Variants in STXBP5 observed in about 807,000 individuals in gnomAD.
STXBP5 encodes the protein syntaxin binding protein 5.
In STXBP5, 50 loss-of-function variants were observed where a neutral mutation model predicts 152.4. The ratio of observed to expected loss-of-function variants is 0.33; its 90% CI spans 0.26 to 0.42. STXBP5 has a LOEUF of 0.42. Among genes scored for constraint, STXBP5 ranks in the 10% least tolerant of loss-of-function variants. STXBP5 has a pLI of 1.00. For missense variants in STXBP5, 1,167 were observed against 1,388.6 expected, an observed-to-expected ratio of 0.84 and a Z score of 2.54; for synonymous variants, 492 against 494.7, an observed-to-expected ratio of 0.99 and a Z score of 0.07.
intron 9 of STXBP5, among the ~76,000 whole-genome samples, chr6:147,295,774 C>G (rs1300650597): frequency 6.6e-6 from 1 of 152,170 alleles, no homozygotes; most frequent in Non-Finnish European, 1.5e-5. Context: ...TGTAGAGCCT[C>G]AAGGAATTTC....
intron 9 of STXBP5, chr6:147,292,406 C>T (rs1582899927): frequency 9.9e-6 from 3 of 301,672 alleles, no homozygotes; most frequent in East Asian, 2.2e-4. Context: ...TCATTTTCCT[C>T]ACTTATGACA....
At chr6:147,380,055 A>G (rs911169406) in intron 26 of STXBP5, among the ~76,000 whole-genome samples, 8 of 144,714 alleles carry the variant, frequency 5.5e-5, no homozygotes, top group African/African-American at 2.1e-4. Flanking sequence ...GGCAGTATCC[A>G]CAAATTGATC....
intron 7 of STXBP5, among the ~76,000 whole-genome samples, chr6:147,271,006 A>G (rs961741117): frequency 1.3e-5 from 2 of 152,228 alleles, no homozygotes; most frequent in African/African-American, 4.8e-5. Flanking sequence ...TAAGCTAAAT[A>G]GGAAATAAAT....
intron 13 of STXBP5, 114 bp downstream of exon 13, chr6:147,314,445 TA>T: frequency 7.8e-7 from 1 of 1,282,074 alleles, no homozygotes; most frequent in Non-Finnish European, 1.1e-6. Flanking sequence ...TGTCGTAATA[TA>T]ATAAGAAATG....
intron 16 of STXBP5, among the ~76,000 whole-genome samples, chr6:147,319,627 G>A (rs1782813250): frequency 6.6e-6 from 1 of 152,030 alleles, no homozygotes; most frequent in Admixed American, 6.5e-5. Flanking sequence ...TTAAGGGACA[G>A]TTCTTTTTGG....
intron 11 of STXBP5, among the ~76,000 whole-genome samples, chr6:147,312,569 G>T (rs1443553148): frequency 6.6e-6 from 1 of 151,992 alleles, no homozygotes; most frequent in Non-Finnish European, 1.5e-5. Flanking sequence ...GTGGGTAGAA[G>T]ACAGAGATGC....
In STXBP5 at chr6:147,314,267, T is replaced by C; in HGVS notation, c.1297T>C (p.Trp433Arg). Residue 433 changes from tryptophan to arginine, a missense_variant, in exon 13 of 28, where the codon TGG (tryptophan) becomes CGG (arginine). By Grantham distance (101) the Trp-to-Arg change is moderately radical (BLOSUM62 -3). Transcript: ENST00000321680. ...QKRQGYSKKE[W>R]PINGGNWGLG... ...ATACAGTCATCTTTTTTTATAGGAATGGCCCATCAACGGAGGTAATTGGGG... is the reference window on the plus strand; with the variant it reads ...ATACAGTCATCTTTTTTTATAGGAACGGCCCATCAACGGAGGTAATTGGGG... The C allele has an allele frequency of 6.2e-7, 1 of 1,609,832 alleles. No individual in the cohort carries two copies. The highest frequency in any genetic ancestry group is 8.5e-7 in the Non-Finnish European group (1 of 1,176,216).
chr6:147,289,506 T>G (rs192388451), intron 8 of STXBP5, among the ~76,000 whole-genome samples: 1 of 152,268 alleles, frequency 6.6e-6, no homozygotes, highest in East Asian at 1.9e-4. Flanking sequence ...TCTGTACAAT[T>G]TTTTTTAATT....
At chr6:147,266,374 C>A (rs1265935338) in intron 6 of STXBP5, among the ~76,000 whole-genome samples, 1 of 152,014 alleles carries the variant, frequency 6.6e-6, no homozygotes, top group Non-Finnish European at 1.5e-5. Flanking sequence ...AGACTGGAGT[C>A]AAGGAGACCC....
intron 2 of STXBP5, among the ~76,000 whole-genome samples, chr6:147,216,246 G>C (rs987465281): frequency 1.3e-5 from 2 of 152,078 alleles, no homozygotes; most frequent in African/African-American, 4.8e-5. Context: ...ATAAAAATTT[G>C]CCGAGCGTGG....
chr6:147,355,468 G>C (rs1023782033), intron 22 of STXBP5, among the ~76,000 whole-genome samples: 3 of 152,064 alleles, frequency 2.0e-5, no homozygotes, highest in African/African-American at 7.2e-5. Flanking sequence ...GTTTAGATCA[G>C]CTAAAAAGAT....
chr6:147,208,853 G>A (rs1776705432), intron 2 of STXBP5, among the ~76,000 whole-genome samples: 2 of 152,088 alleles, frequency 1.3e-5, no homozygotes, highest in South Asian at 4.1e-4. Context: ...ACAAGGATTA[G>A]TGAAAAATCT....
chr6:147,357,147 C>T (rs919206139), intron 22 of STXBP5, among the ~76,000 whole-genome samples: 2 of 152,046 alleles, frequency 1.3e-5, no homozygotes, highest in African/African-American at 4.8e-5. Context: ...CTCTAAGTGT[C>T]ATGGGAGAGA....
Position 147,298,316 on chromosome 6 carries a change from A to G in STXBP5, c.917+7144A>G, listed in dbSNP as rs764657652. Among the ~76,000 whole-genome samples, 15 of 152,184 alleles carry G rather than the reference A, an allele frequency of 9.9e-5. No individual in the cohort carries two copies. In the South Asian group the frequency reaches 1.7e-3, roughly 17 times the overall value. On this transcript the variant is annotated intron_variant, in intron 9 of 27. Transcript: ENST00000321680. ...ATTTAAGAATTACAAATATATATGC[A>G]TTGAACACTAGAGCACACAAATTAT...
In STXBP5 at chr6:147,373,869, A is replaced by C. The variant is rs754843185; in HGVS notation, c.3193+27A>C. ...TAAGTTGATTTATTTAATTCGGATAATATATCTATAAAACAGGAACAAGCC... is the reference window on the plus strand; with the variant it reads ...TAAGTTGATTTATTTAATTCGGATACTATATCTATAAAACAGGAACAAGCC... On this transcript the variant is annotated intron_variant, in intron 26 of 27. Coordinates refer to ENST00000321680, the MANE Select transcript of STXBP5 (RefSeq NM_001127715.4). 1.9e-6 allele frequency: 3 copies of C among 1,553,528 alleles called. No individual in the cohort carries two copies. In the Admixed American group the frequency reaches 5.1e-5, roughly 26 times the overall value.
At chr6:147,351,994 T>A in intron 21 of STXBP5, 1 of 611,432 alleles carries the variant, frequency 1.6e-6, no homozygotes, top group Non-Finnish European at 2.0e-6. Context: ...TAGGAAGCAC[T>A]TTTCTTTTAC....
At chr6:147,328,803 C>A (rs1378042747) in intron 18 of STXBP5, 1 of 465,618 alleles carries the variant, frequency 2.1e-6, no homozygotes, top group Admixed American at 2.4e-5. Context: ...TATGCCTTGG[C>A]ATGTTTGTTC....
At chr6:147,351,024 C>T (rs1478355169) in intron 21 of STXBP5, among the ~76,000 whole-genome samples, 2 of 152,186 alleles carry the variant, frequency 1.3e-5, no homozygotes, top group Non-Finnish European at 2.9e-5. Context: ...TTTATTGAGG[C>T]TTGTTCACAA....
At chr6:147,330,356 A>C (rs1453994131) in intron 18 of STXBP5, among the ~76,000 whole-genome samples, 2 of 152,182 alleles carry the variant, frequency 1.3e-5, no homozygotes, top group East Asian at 1.9e-4. Flanking sequence ...TGAGTGCTAC[A>C]TTAAGAAGAA....
Sources: allele counts gnomAD v4.1 joint callset (sites outside exome capture counted in the v4.1 genomes callset), GRCh38; gene constraint gnomAD v4.1.1; transcripts MANE v1.5; gene names NCBI Gene and HGNC (gene_info 2026-07-23, HGNC 2026-07-21).